The following PARD3 variants were observed in gnomAD, a reference collection of about 807,000 sequenced individuals.
PARD3 encodes partitioning defective 3 homolog.
A neutral mutation model predicts 155.4 loss-of-function variants in PARD3; 75 were observed. That is an observed-to-expected ratio of 0.48 (90% CI 0.40 to 0.58). The LOEUF (loss-of-function observed/expected upper bound fraction) is 0.58. Ranked by LOEUF, PARD3 falls within the 20% of genes least tolerant of loss-of-function variation. The pLI, the probability that PARD3 is intolerant of heterozygous loss-of-function variation, is 0.00. For synonymous variants in PARD3, 576 were observed against 610.5 expected (o/e 0.94, Z 0.83); for missense variants, 1,642 against 1,721.7 (o/e 0.95, Z 0.82).
intron 3 of PARD3, among the ~76,000 whole-genome samples, chr10:34,493,623 T>C (rs1452209324): frequency 2.0e-5 from 3 of 151,612 alleles, no homozygotes; most frequent in Non-Finnish European, 2.9e-5. Flanking sequence ...TTCCAGCTAC[T>C]CGGGAGGCTG....
At chr10:34,554,701 A>T (rs2084854031) in intron 2 of PARD3, among the ~76,000 whole-genome samples, 1 of 152,210 alleles carries the variant, frequency 6.6e-6, no homozygotes, top group South Asian at 2.1e-4. Context: ...TTCGTTAGGA[A>T]TCGAAATCTC....
At chr10:34,638,629 G>A (rs1590349604) in intron 2 of PARD3, among the ~76,000 whole-genome samples, 1 of 152,152 alleles carries the variant, frequency 6.6e-6, no homozygotes, top group African/African-American at 2.4e-5. Flanking sequence ...CTCACAAACT[G>A]GCAGTGCCCT....
At chr10:34,179,221 TTTTTAAATTTATTGCAGG>T (rs1467869865) in intron 22 of PARD3, among the ~76,000 whole-genome samples, 6 of 152,182 alleles carry the variant, frequency 3.9e-5, no homozygotes, top group Admixed American at 3.9e-4. Context: ...AGAGACTGTA[TTTTTAAATTTATTGCAGG>T]TCACAGAGGC....
At chr10:34,519,922 A>T (rs541436021) in intron 2 of PARD3, among the ~76,000 whole-genome samples, 1 of 152,058 alleles carries the variant, frequency 6.6e-6, no homozygotes, top group South Asian at 2.1e-4. Context: ...AAAACTTCTA[A>T]GGATCCACAC....
chr10:34,741,098 C>A (rs2095002942), intron 1 of PARD3, among the ~76,000 whole-genome samples: 1 of 151,480 alleles, frequency 6.6e-6, no homozygotes, highest in Admixed American at 6.6e-5. Context: ...CTCAATACTA[C>A]ATCTCTAAAG....
intron 5 of PARD3, among the ~76,000 whole-genome samples, chr10:34,419,387 T>C (rs1335264044): frequency 6.6e-6 from 1 of 152,060 alleles, no homozygotes; most frequent in Non-Finnish European, 1.5e-5. Flanking sequence ...CATGGTGGCA[T>C]GTGCCTGTAG....
At chr10:34,618,922 A>C (rs2091441559) in intron 2 of PARD3, among the ~76,000 whole-genome samples, 1 of 152,062 alleles carries the variant, frequency 6.6e-6, no homozygotes, top group Admixed American at 6.6e-5. Flanking sequence ...ACTTGGTGCC[A>C]CTTCCCTAAG....
At chr10:34,599,042 C>G (rs2089539142) in intron 2 of PARD3, among the ~76,000 whole-genome samples, 1 of 152,120 alleles carries the variant, frequency 6.6e-6, no homozygotes, top group African/African-American at 2.4e-5. Context: ...CTGACCCAAT[C>G]AACACAAGGG....
At position 34,125,311 on chromosome 10, in the gene PARD3, C is replaced by T. The variant is rs546448164; in HGVS notation, c.3541-5571G>A. ...TGAACTCCTGACCTCGGGATCCACC[C>T]ACCTGGGCCTCCCAAAGTGCTGGGA... On this transcript the variant is annotated intron_variant, in intron 23 of 24. Coordinates refer to ENST00000374788, the MANE Select transcript of PARD3 (RefSeq NM_001184785.2). Among the ~76,000 whole-genome samples the T allele has an allele frequency of 1.1e-4, 16 of 152,208 alleles. No individual in the cohort carries two copies. In the South Asian group the frequency reaches 2.3e-3, roughly 22 times the overall value.
intron 2 of PARD3, among the ~76,000 whole-genome samples, chr10:34,556,713 G>A (rs1400696710): frequency 1.3e-5 from 2 of 152,098 alleles, no homozygotes; most frequent in Non-Finnish European, 2.9e-5. Context: ...TCAGATGAGC[G>A]TAGTGTTTAT....
chr10:34,117,156 C>T (rs1213814261), intron 24 of PARD3, among the ~76,000 whole-genome samples: 1 of 152,212 alleles, frequency 6.6e-6, no homozygotes, highest in African/African-American at 2.4e-5. Context: ...CTTTCTCAGC[C>T]CTTGGCAGCT....
At chr10:34,500,766 C>T (rs1056205841) in intron 3 of PARD3, among the ~76,000 whole-genome samples, 1 of 151,998 alleles carries the variant, frequency 6.6e-6, no homozygotes, top group African/African-American at 2.4e-5. Context: ...ATTATAATAA[C>T]ATAAAATGAA....
chr10:34,522,100 G>A (rs1016390231), intron 2 of PARD3, among the ~76,000 whole-genome samples: 6 of 152,188 alleles, frequency 3.9e-5, no homozygotes, highest in Non-Finnish European at 5.9e-5. Context: ...CAGGATGGAG[G>A]TTAAGAACCT....
At chr10:34,306,032 G>C (rs1410807277) in intron 20 of PARD3, among the ~76,000 whole-genome samples, 3 of 151,754 alleles carry the variant, frequency 2.0e-5, no homozygotes, top group Admixed American at 6.6e-5. Context: ...GGTAGCTCAC[G>C]CCTGTAATCC....
intron 1 of PARD3, among the ~76,000 whole-genome samples, chr10:34,757,348 C>T (rs1836871057): frequency 6.6e-6 from 1 of 152,204 alleles, no homozygotes; most frequent in Non-Finnish European, 1.5e-5. Context: ...TGACATGCTA[C>T]AGCCTGTCCT....
intron 11 of PARD3, among the ~76,000 whole-genome samples, chr10:34,373,236 T>C (rs930990898): frequency 2.6e-5 from 4 of 151,406 alleles, no homozygotes; most frequent in African/African-American, 7.3e-5. Flanking sequence ...ACATGCATAA[T>C]AGACTGACGG....
chr10:34,222,057 A>G (rs1952325524), intron 22 of PARD3, among the ~76,000 whole-genome samples: 3 of 152,232 alleles, frequency 2.0e-5, no homozygotes, highest in Admixed American at 2.0e-4. Flanking sequence ...GCACTATATA[A>G]AGATGAAAGG....
At chr10:34,636,473 G>A (rs772789916) in intron 2 of PARD3, among the ~76,000 whole-genome samples, 11 of 152,188 alleles carry the variant, frequency 7.2e-5, no homozygotes, top group Non-Finnish European at 1.5e-4. Context: ...GGCCGCTGGC[G>A]AGAGGCTTTG....
At chr10:34,798,200 G>A (rs998778243) in intron 1 of PARD3, among the ~76,000 whole-genome samples, 2 of 151,952 alleles carry the variant, frequency 1.3e-5, no homozygotes, top group Non-Finnish European at 2.9e-5. Context: ...ATGGTAGCAT[G>A]TACCTGTAGT....
Sources: gnomAD v4.1 joint callset for allele counts (sites outside exome capture counted in the v4.1 genomes callset) on GRCh38, gnomAD v4.1.1 for gene constraint, MANE v1.5 for transcripts, NCBI Gene and HGNC (gene_info 2026-07-23, HGNC 2026-07-21) for gene names.